The following PERM1 variants were observed in gnomAD, a reference collection of about 807,000 sequenced individuals.
PERM1 encodes the protein PGC-1 and ERR-induced regulator in muscle protein 1.
Under a neutral mutation model 44.1 loss-of-function variants are expected in PERM1, and 45 were observed. That is an observed-to-expected ratio of 1.02 (90% confidence interval 0.80 to 1.31). The LOEUF (loss-of-function observed/expected upper bound fraction) is 1.31, where lower values mean the gene tolerates loss of function less well. Among genes scored for constraint, PERM1 ranks in the 50% most tolerant of loss-of-function variants. PERM1 has a pLI of 0.00. For synonymous variants in PERM1, 565 were observed against 477.1 expected (o/e 1.18, Z -2.40); for missense variants, 1,189 against 1,106.9 (o/e 1.07, Z -1.05).
At chr1:980,639 G>T (rs1286821929) in exon 1 of PERM1, 14 of 1,441,750 alleles carry the variant, frequency 9.7e-6, no homozygotes, top group Admixed American at 2.9e-5. Flanking sequence ...GAAGACGCCG[G>T]ACCAGGGCAG....
exon 1 of PERM1, chr1:979,701 C>T (rs1268208398): frequency 1.3e-6 from 2 of 1,550,190 alleles, no homozygotes; most frequent in African/African-American, 2.7e-5. Context: ...TAGACACAAG[C>T]CCGCTGGACT....
chr1:976,601 A>C (rs1321577457), exon 2 of PERM1: 1 of 1,549,290 alleles, frequency 6.5e-7, no homozygotes, highest in Non-Finnish European at 8.7e-7. Flanking sequence ...AAGGCAAATG[A>C]TGGGACAGGC....
At chr1:978,373 G>GGAACCGCCTGCCCCA (rs1557658267) in intron 1 of PERM1, among the ~76,000 whole-genome samples, 3 of 148,644 alleles carry the variant, frequency 2.0e-5, no homozygotes, top group African/African-American at 7.4e-5. Context: ...TGGTTGCCCC[G>GGAACCGCCTGCCCCA]GGAACCGCCT....
In PERM1 at chr1:976,536, C is replaced by CTCACAGCCCATCTGACGTT; in HGVS notation, c.2237_2238insAACGTCAGATGGGCTGTGA (p.Pro750GlyfsTer3). ...CGTCTGGGGTATGCGGATCTGACGT[C>CTCACAGCCCATCTGACGTT]CTCACAGCCCAGGTGGCAAAAGCTA... On this transcript the variant is annotated stop_gained and frameshift_variant, in exon 2 of 3. Coordinates refer to ENST00000433179, the Ensembl canonical transcript of PERM1. LOFTEE classifies it high-confidence loss of function. 1.3e-6 allele frequency: 2 copies of CTCACAGCCCATCTGACGTT among 1,549,374 alleles called. No individual in the cohort carries two copies. The highest frequency in any genetic ancestry group is 1.7e-6 in the Non-Finnish European group (2 of 1,146,354).
At chr1:979,555 G>A (rs1245152045) in exon 1 of PERM1, 1 of 1,549,994 alleles carries the variant, frequency 6.5e-7, no homozygotes, top group Admixed American at 2.0e-5. Context: ...GAGACCCAGT[G>A]CGGGTGCCCC....
chr1:979,314 G>T, exon 1 of PERM1: 1 of 1,537,424 alleles, frequency 6.5e-7, no homozygotes, highest in Non-Finnish European at 8.8e-7. Context: ...AGCTGCTCCC[G>T]GGCCCGACCC....
chr1:978,940 G>A (rs978984739), exon 1 of PERM1: 5 of 1,507,458 alleles, frequency 3.3e-6, no homozygotes, highest in Middle Eastern at 1.9e-4. Flanking sequence ...GGGGGTCCCA[G>A]GCCCCGCCCC....
exon 1 of PERM1, chr1:978,965 G>C (rs1416404447): frequency 2.0e-6 from 3 of 1,509,216 alleles, no homozygotes; most frequent in African/African-American, 1.4e-5. Context: ...GAGGCCGACC[G>C]GGGAGGCTCC....
At chr1:976,265 C>G in exon 3 of PERM1, 1 of 1,515,172 alleles carries the variant, frequency 6.6e-7, no homozygotes, top group Non-Finnish European at 8.8e-7. Context: ...CGTTGGCCAG[C>G]AAGGCTGCAA....
chr1:979,948 G>A (rs560349694), exon 1 of PERM1: 2 of 1,550,276 alleles, frequency 1.3e-6, no homozygotes, highest in Admixed American at 2.0e-5. Flanking sequence ...GGCAGGTATA[G>A]ACACAGCCAT....
upstream of PERM1, chr1:982,076 C>A: frequency 7.8e-7 from 1 of 1,288,158 alleles, no homozygotes; most frequent in Non-Finnish European, 1.0e-6. Flanking sequence ...TGGGTCCCGG[C>A]GGCCGAGCTG....
At chr1:979,759 T>C (rs1643736965) in exon 1 of PERM1, 1 of 1,550,274 alleles carries the variant, frequency 6.5e-7, no homozygotes, top group African/African-American at 1.4e-5. Context: ...TGAAGCCACC[T>C]CTAGCTTAGC....
chr1:979,137 C>T lies in PERM1; in HGVS notation c.1893G>A (p.Arg631=), dbSNP rs950134049. ...CTCTCGGGAGCGGCTCCGGGGACCC[C>T]CGCCGCCTCGACCTCTGGGCTCCAA... Residue 631 remains arginine, a synonymous_variant, in exon 1 of 3, where the codon CGG becomes CGA. Transcript: ENST00000433179. The T allele has an allele frequency of 2.6e-6, 4 of 1,549,960 alleles. No individual in the cohort carries two copies. In the African/African-American group the frequency reaches 4.1e-5, roughly 16 times the overall value.
chr1:976,553 C>T lies in PERM1; in HGVS notation c.2221G>A (p.Ala741Thr). 3 of 1,549,580 alleles carry T rather than the reference C, an allele frequency of 1.9e-6. No homozygotes were observed. In the South Asian group the frequency reaches 3.6e-5, roughly 18 times the overall value. Residue 741 changes from alanine to threonine, a missense_variant, in exon 2 of 3, where the codon GCC becomes ACC. Transcript: ENST00000433179. Reference sequence around the variant, plus strand: ...TCTGACGTCCTCACAGCCCAGGTGGCAAAAGCTACAAACACCAGGCACATG... The same window carrying T: ...TCTGACGTCCTCACAGCCCAGGTGGTAAAAGCTACAAACACCAGGCACATG...
chr1:981,077 G>A, upstream of PERM1: 1 of 1,547,030 alleles, frequency 6.5e-7, no homozygotes, highest in East Asian at 2.4e-5. Flanking sequence ...GTCCGGTGGG[G>A]TCTTCATGGG....
At chr1:978,909 C>G in exon 1 of PERM1, 1 of 1,503,170 alleles carries the variant, frequency 6.7e-7, no homozygotes, top group South Asian at 1.3e-5. Flanking sequence ...GGTGGAGCCG[C>G]TCTACCACGG....
At chr1:979,562 C>T in exon 1 of PERM1, 1 of 1,549,956 alleles carries the variant, frequency 6.5e-7, no homozygotes, top group Non-Finnish European at 8.7e-7. Context: ...AGTGCGGGTG[C>T]CCCAGAGCAG....
upstream of PERM1, chr1:981,210 G>A (rs28566954): frequency 0.17 from 255,949 of 1,533,058 alleles, 23,447 homozygotes; most frequent in Non-Finnish European, 0.19. Flanking sequence ...GGGGAGGGCC[G>A]CGCTTCCTTC....
intron 1 of PERM1, 35 bp downstream of exon 2, chr1:978,846 G>T (rs769750320): frequency 6.9e-6 from 10 of 1,441,638 alleles, no homozygotes; most frequent in Admixed American, 2.8e-5. Context: ...GTGTGCCTGG[G>T]ATCTGGACGG....
Sources: allele counts gnomAD v4.1 joint callset (sites outside exome capture counted in the v4.1 genomes callset), GRCh38; gene constraint gnomAD v4.1.1; transcripts MANE v1.5; gene names NCBI Gene and HGNC (gene_info 2026-07-23, HGNC 2026-07-21).